The following HSPG2 variants were observed in gnomAD, a reference collection of about 807,000 sequenced individuals.
HSPG2 encodes heparan sulfate proteoglycan 2.
In HSPG2, 278 loss-of-function variants were observed where a neutral mutation model predicts 526.6. The ratio of observed to expected loss-of-function variants is 0.53; its 90% CI spans 0.48 to 0.58. HSPG2 has a LOEUF of 0.58. Among genes scored for constraint, HSPG2 ranks in the 20% least tolerant of loss-of-function variants. HSPG2 has a pLI of 0.00. For synonymous variants in HSPG2, 2,465 were observed against 2,555.4 expected, an observed-to-expected ratio of 0.96 and a Z score of 1.07; for missense variants, 5,354 against 6,099.5, an observed-to-expected ratio of 0.88 and a Z score of 4.07.
rs769759846 is a variant in HSPG2 at position 21,842,761 on chromosome 1, C to A, written c.8910+9G>T. 5.0e-6 allele frequency: 8 copies of A among 1,612,788 alleles called. No homozygotes were observed. The South Asian group carries it at 8.8e-5, about 18-fold the overall frequency. On this transcript the variant is annotated intron_variant, in intron 67 of 96. Coordinates refer to ENST00000374695, the MANE Select transcript of HSPG2 (RefSeq NM_005529.7). ...TGACCTGGAATCCTCCCCATCCTGG[C>A]CCCTGTACCTGGTGCCGGGCGGGGA...
chr1:21,823,398 C>G lies in HSPG2; in HGVS notation c.13094G>C (p.Arg4365Pro). 1 of 1,565,666 alleles carries G rather than the reference C, an allele frequency of 6.4e-7. No homozygotes were observed. The highest frequency in any genetic ancestry group is 8.6e-7 in the Non-Finnish European group (1 of 1,160,384). ...GGGCTGTGGGGGCGGGGCGCCGGGT[C>G]GGGCCGAGTGCAGCACCAGGTTCTT... ...CVKNLVLHSA[R>P]PGAPPPQPLD... Residue 4365 changes from arginine (R) to proline (P), a missense_variant, in exon 97 of 97, where the codon CGA becomes CCA. By Grantham distance (103) the Arg-to-Pro change is moderately radical. Coordinates refer to ENST00000374695, the MANE Select transcript of HSPG2 (RefSeq NM_005529.7).
intron 91 of HSPG2, among the ~76,000 whole-genome samples, chr1:21,826,131 G>C (rs748416804): frequency 1.9e-4 from 29 of 152,046 alleles, no homozygotes; most frequent in Admixed American, 1.3e-3. Flanking sequence ...GCCCAGGCTA[G>C]AGTGCAGTGA....
chr1:21,862,841 A>G (rs542867466), intron 37 of HSPG2, among the ~76,000 whole-genome samples: 1 of 53,132 alleles, frequency 1.9e-5, no homozygotes, highest in Non-Finnish European at 4.7e-5. Context: ...TGGGTGGATC[A>G]CCTGAGATCA....
At chr1:21,838,749 CGA>C in intron 74 of HSPG2, 74 bp downstream of exon 74, 1 of 1,507,382 alleles carries the variant, frequency 6.6e-7, no homozygotes, top group South Asian at 1.2e-5. Flanking sequence ...CCTTCCCACC[CGA>C]GTCTGCCTAG....
chr1:21,888,459 A>AT (rs897100667), intron 6 of HSPG2, among the ~76,000 whole-genome samples: 1 of 152,020 alleles, frequency 6.6e-6, no homozygotes, highest in Non-Finnish European at 1.5e-5. Context: ...CCTTTAAAAA[A>AT]TTTTTTTCTC....
intron 67 of HSPG2, 102 bp downstream of exon 67, chr1:21,842,668 G>C: frequency 6.7e-7 from 1 of 1,484,378 alleles, no homozygotes; most frequent in Non-Finnish European, 9.3e-7. Context: ...TATCCCCTGG[G>C]GTCCCCAAGC....
rs1557765051 is a variant in HSPG2, at chr1:21,876,011, G to A, written c.3035C>T (p.Thr1012Ile). The A allele has an allele frequency of 6.2e-7, 1 of 1,614,108 alleles. No individual in the cohort carries two copies. The highest frequency in any genetic ancestry group is 1.3e-5 in the African/African-American group (1 of 75,076). The change falls in exon 24 of 97, where the codon ACA becomes ATA. Residue 1012 changes from threonine (T) to isoleucine (I), a missense_variant. By Grantham distance (89) the Thr-to-Ile change is moderately conservative. Coordinates refer to ENST00000374695, the MANE Select transcript of HSPG2 (RefSeq NM_005529.7). Reference sequence around the variant, plus strand: ...GCCCGGCTGGGACCTCTGGGTCACTGTGAAGCGCAGCTCTCCTCCATAGGA... The same window carrying A: ...GCCCGGCTGGGACCTCTGGGTCACTATGAAGCGCAGCTCTCCTCCATAGGA... Reference protein sequence around the residue: ...VTSYGGELRFTVTQRSQPGST... With the variant: ...VTSYGGELRFIVTQRSQPGST...
At position 21,833,031 on chromosome 1, in the gene HSPG2, G is replaced by A. The variant is rs965223726; in HGVS notation, c.11095+237C>T. ...GGAGGACTGGGGGTGATGCCCCGGTGGCAGAGGAGCCACGAGGAGGCTGGA... is the reference window on the plus strand; with the variant it reads ...GGAGGACTGGGGGTGATGCCCCGGTAGCAGAGGAGCCACGAGGAGGCTGGA... On this transcript the variant is annotated intron_variant, in intron 80 of 96. Transcript: ENST00000374695. 16 of 597,148 alleles carry A rather than the reference G, an allele frequency of 2.7e-5. No individual in the cohort carries two copies. The African/African-American group carries it at 2.9e-4, about 11-fold the overall frequency. 37.0% of individuals were successfully genotyped at this position (597,148 alleles called of 1,614,324 possible).
Position 21,824,768 on chromosome 1 carries a change from G to C in HSPG2, c.12601C>G (p.Gln4201Glu). The stretch of plus-strand genomic sequence containing the variant: ...TCATCGTGGAAATAGGCTCCGTACT[G>C]CCCAGGGGCATCTGTGGGAGAGAGG... ...EGSGGNDAPG[Q>E]YGAYFHDDGF... The change falls in exon 92 of 97, where the codon CAG becomes GAG. Residue 4201 changes from glutamine to glutamate, a missense_variant. Physicochemically the swap from Gln to Glu is conservative, Grantham distance 29. Transcript: ENST00000374695. This position sits in a 1 kb window ranked among gnomAD's most constrained non-coding sequence, Gnocchi z 5.9. 1 of 1,612,674 alleles carries C rather than the reference G, an allele frequency of 6.2e-7. No homozygotes were observed.
chr1:21,850,579 C>T (rs1638815140), intron 55 of HSPG2, 81 bp from the exon 56 acceptor site: 1 of 1,435,638 alleles, frequency 7.0e-7, no homozygotes, highest in Non-Finnish European at 9.3e-7. Context: ...TCACTCTGAC[C>T]CCCAAGGCCT....
chr1:21,918,595 G>A (rs1420246498), intron 1 of HSPG2, among the ~76,000 whole-genome samples: 1 of 151,988 alleles, frequency 6.6e-6, no homozygotes, highest in African/African-American at 2.4e-5. Context: ...CTTCCCAACA[G>A]CCCCACAAGA....
rs1338450691 is a variant in HSPG2 at position 21,824,882 on chromosome 1, G to A, written c.12590-103C>T. On this transcript the variant is annotated intron_variant, in intron 91 of 96. Coordinates refer to ENST00000374695, the MANE Select transcript of HSPG2 (RefSeq NM_005529.7). This position sits in a 1 kb window ranked among gnomAD's most constrained non-coding sequence, Gnocchi z 5.9. Reference sequence around the variant, plus strand: ...CTCCACGCCAACATGCAGGACTAGGGGGCTCCGAGCCTGCAGTCCCTGGGG... The same window carrying A: ...CTCCACGCCAACATGCAGGACTAGGAGGCTCCGAGCCTGCAGTCCCTGGGG... The A allele has an allele frequency of 6.3e-6, 7 of 1,105,706 alleles. No homozygotes were observed. In the East Asian group the frequency reaches 1.8e-4, roughly 28 times the overall value. The allele number at this position is 1,105,706 out of a possible 1,614,324, so 68.5% of individuals were successfully genotyped here.
At chr1:21,889,825 C>T in intron 6 of HSPG2, 156 bp downstream of exon 6, 2 of 791,066 alleles carry the variant, frequency 2.5e-6, no homozygotes, top group South Asian at 3.1e-5. Flanking sequence ...CTCTACCAAG[C>T]CAAGATTGTG....
rs1333900419 is a variant in HSPG2, at chr1:21,846,100, A to T, written c.8464+8T>A. The T allele has an allele frequency of 1.2e-6, 2 of 1,611,762 alleles. No individual in the cohort carries two copies. The highest frequency in any genetic ancestry group is 1.7e-6 in the Non-Finnish European group (2 of 1,179,948). On this transcript the variant is annotated splice_region_variant and intron_variant, in intron 64 of 96. Coordinates refer to ENST00000374695, the MANE Select transcript of HSPG2 (RefSeq NM_005529.7). ...CCGGCCTTCCCGTCCCACTGCAGGG[A>T]CCCTCACCGGGGACGTGGACAGCAC...
At position 21,822,488 on chromosome 1, in the gene HSPG2, A is replaced by ATCCG. The variant is rs750951967; in HGVS notation, c.*824_*827dup. The ATCCG allele has an allele frequency of 8.7e-6, 4 of 457,824 alleles. No homozygotes were observed. Among genetic ancestry groups the ATCCG allele is most frequent in the Admixed American group, 3.4e-5 (1 of 29,768 alleles). 28.4% of individuals were successfully genotyped at this position (457,824 alleles called of 1,614,324 possible). On this transcript the variant is annotated 3_prime_UTR_variant, in exon 97 of 97. Transcript: ENST00000374695. The stretch of plus-strand genomic sequence containing the variant: ...CTAGCTCTTCCTGAGCACCAGCGGC[A>ATCCG]TCCGTCCGTCCGTTGTCTGTTGGAG...
rs373648385 is a variant in HSPG2, at chr1:21,844,276, G to A, written c.8488C>T (p.Arg2830Cys). 1.2e-5 allele frequency: 20 copies of A among 1,613,266 alleles called. No individual in the cohort carries two copies. Among genetic ancestry groups the A allele is most frequent in the Admixed American group, 1.7e-5 (1 of 59,992 alleles). ...VPAPGGAPPI[R>C]IEPSSSRVAE... is the part of the protein sequence containing the mutation. Reference sequence around the variant, plus strand: ...ACTCGGGAGGAGGAGGGCTCGATGCGGATGGGTGGGGCTCCACCTGGGGCT... The same window carrying A: ...ACTCGGGAGGAGGAGGGCTCGATGCAGATGGGTGGGGCTCCACCTGGGGCT... Residue 2830 changes from arginine (R) to cysteine (C), a missense_variant, in exon 65 of 97, where the codon CGC becomes TGC. Physicochemically the swap from Arg to Cys is radical, Grantham distance 180 (BLOSUM62 -3). Coordinates refer to ENST00000374695, the MANE Select transcript of HSPG2 (RefSeq NM_005529.7).
chr1:21,845,318 C>T (rs1638343285), intron 64 of HSPG2, among the ~76,000 whole-genome samples: 2 of 152,128 alleles, frequency 1.3e-5, no homozygotes, highest in African/African-American at 4.8e-5. Flanking sequence ...GAAATAAGGA[C>T]AGGCTTGATG....
intron 91 of HSPG2, among the ~76,000 whole-genome samples, chr1:21,826,903 G>A (rs555157033): frequency 1.1e-4 from 16 of 152,216 alleles, no homozygotes; most frequent in Admixed American, 3.3e-4. Context: ...GGCCGGGCGC[G>A]GTGGCTTATG....
chr1:21,852,292 G>A, intron 52 of HSPG2, 59 bp from the exon 53 acceptor site: 2 of 1,598,186 alleles, frequency 1.3e-6, no homozygotes, highest in African/African-American at 1.3e-5. Context: ...GAGGGCAGGG[G>A]TTGCCCACCC....
Sources: allele counts gnomAD v4.1 joint callset (sites outside exome capture counted in the v4.1 genomes callset), GRCh38; gene constraint gnomAD v4.1.1; non-coding constraint Gnocchi (gnomAD v3.1); transcripts MANE v1.5; gene names NCBI Gene and HGNC (gene_info 2026-07-23, HGNC 2026-07-21).